DLG2: variants seen among roughly 807,000 people sequenced by gnomAD.
The protein encoded by DLG2 is disks large homolog 2.
DLG2 carries 45 observed loss-of-function variants against 132.5 expected under a neutral mutation model. The observed-to-expected ratio is 0.34, with a 90% CI of 0.27 to 0.44. The LOEUF is 0.44. Among genes scored for constraint, DLG2 ranks in the 20% least tolerant of loss-of-function variants. The pLI is 1.00. For missense variants in DLG2, 1,045 were observed against 1,196.9 expected (o/e 0.87, Z 1.87); for synonymous variants, 424 against 419.6 (o/e 1.01, Z -0.13).
At chr11:84,343,227 T>G (rs2098523727) in intron 7 of DLG2, among the ~76,000 whole-genome samples, 1 of 152,192 alleles carries the variant, frequency 6.6e-6, no homozygotes, top group Non-Finnish European at 1.5e-5. Flanking sequence ...AAAGTTAGAA[T>G]GAACAAATGC....
chr11:83,871,880 T>G (rs2063513933), intron 16 of DLG2, among the ~76,000 whole-genome samples: 1 of 152,148 alleles, frequency 6.6e-6, no homozygotes, highest in Non-Finnish European at 1.5e-5. Context: ...AAAAATAAAT[T>G]TTGTTTTTTT....
intron 11 of DLG2, among the ~76,000 whole-genome samples, chr11:84,025,945 A>C (rs911056548): frequency 2.6e-5 from 4 of 152,150 alleles, no homozygotes; most frequent in Admixed American, 2.6e-4. Context: ...TCAGACAGGA[A>C]AGAAAACAAA....
At chr11:83,505,900 T>C (rs1287432244) in intron 21 of DLG2, among the ~76,000 whole-genome samples, 3 of 152,194 alleles carry the variant, frequency 2.0e-5, no homozygotes, top group Admixed American at 1.3e-4. Context: ...CTCTGTCTAC[T>C]GATCATAGGG....
intron 3 of DLG2, among the ~76,000 whole-genome samples, chr11:85,326,456 G>C (rs1459366762): frequency 8.8e-6 from 1 of 113,278 alleles, no homozygotes; most frequent in African/African-American, 3.5e-5. Context: ...GAAGAGAGTG[G>C]GGGCCAATAT....
At chr11:83,963,490 C>G (rs943819713) in intron 13 of DLG2, among the ~76,000 whole-genome samples, 8 of 151,866 alleles carry the variant, frequency 5.3e-5, no homozygotes, top group Non-Finnish European at 1.0e-4. Context: ...AGAACTCTGG[C>G]CTTTCTTTTT....
Position 84,649,697 on chromosome 11 carries a change from G to C in DLG2, c.358-114966C>G, listed in dbSNP as rs956032105. 5.9e-5 allele frequency among the ~76,000 whole-genome samples: 9 copies of C among 152,198 alleles called. 1 individual carries two copies. The highest frequency in any genetic ancestry group is 5.9e-4 in the Admixed American group (9 of 15,284). ...TGCTGTCTACTGGAACTGGCCTGCA[G>C]CAAAATAGTGAGGTGGTCAGATCTT... On this transcript the variant is annotated intron_variant, in intron 6 of 27. Transcript: ENST00000376104.
chr11:84,993,700 A>T (rs1461894652), intron 6 of DLG2, among the ~76,000 whole-genome samples: 2 of 152,114 alleles, frequency 1.3e-5, no homozygotes, highest in Non-Finnish European at 1.5e-5. Flanking sequence ...TTTACCTCTA[A>T]TGGTGTTTAC....
At chr11:83,541,634 C>A (rs138052658) in intron 20 of DLG2, 48 bp downstream of exon 20, 1 of 1,478,880 alleles carries the variant, frequency 6.8e-7, no homozygotes, top group South Asian at 1.4e-5. Flanking sequence ...CATCTCCACT[C>A]GCTGGATAGC....
At chr11:84,748,533 T>G (rs1425838363) in intron 6 of DLG2, among the ~76,000 whole-genome samples, 2 of 152,204 alleles carry the variant, frequency 1.3e-5, no homozygotes, top group African/African-American at 4.8e-5. Flanking sequence ...AGCCCCTACT[T>G]TGTGCTATCA....
chr11:83,791,386 T>G, intron 17 of DLG2: 1 of 674,326 alleles, frequency 1.5e-6, no homozygotes, highest in Non-Finnish European at 2.7e-6. Context: ...TTTTTTTTCT[T>G]TTCCACCTTT....
chr11:85,369,769 C>G (rs2152915346), intron 3 of DLG2, among the ~76,000 whole-genome samples: 1 of 152,264 alleles, frequency 6.6e-6, no homozygotes, highest in South Asian at 2.1e-4. Context: ...TTAAAGGACA[C>G]CACAACCACT....
intron 6 of DLG2, among the ~76,000 whole-genome samples, chr11:84,552,580 C>G (rs1235715528): frequency 6.6e-6 from 1 of 152,208 alleles, no homozygotes; most frequent in African/African-American, 2.4e-5. Flanking sequence ...TACCTGTGCA[C>G]TCACAGGACA....
chr11:85,313,780 T>C (rs2152811936), intron 3 of DLG2, among the ~76,000 whole-genome samples: 1 of 152,132 alleles, frequency 6.6e-6, no homozygotes, highest in East Asian at 1.9e-4. Context: ...TCTCTTTTTT[T>C]TTATTCAGCA....
At chr11:85,403,752 T>C (rs2088437724) in intron 3 of DLG2, among the ~76,000 whole-genome samples, 2 of 151,918 alleles carry the variant, frequency 1.3e-5, no homozygotes, top group Non-Finnish European at 2.9e-5. Flanking sequence ...TGGGGGAAGA[T>C]GCCTCTGGTA....
chr11:83,486,264 G>A, intron 21 of DLG2: 3 of 682,380 alleles, frequency 4.4e-6, no homozygotes, highest in Non-Finnish European at 8.0e-6. Context: ...GAAAATAAAA[G>A]AAAAAAAATC....
At chr11:83,914,256 C>T (rs2076554789) in intron 15 of DLG2, among the ~76,000 whole-genome samples, 1 of 152,098 alleles carries the variant, frequency 6.6e-6, no homozygotes, top group Non-Finnish European at 1.5e-5. Flanking sequence ...AAAAAACAAT[C>T]TGGCATCTCC....
At chr11:83,772,532 G>C (rs1298001689) in intron 18 of DLG2, among the ~76,000 whole-genome samples, 1 of 148,256 alleles carries the variant, frequency 6.7e-6, no homozygotes, top group Non-Finnish European at 1.5e-5. Context: ...AAGGAAGGAG[G>C]GAAGGAAGGA....
chr11:84,258,500 A>T (rs2097509066), intron 7 of DLG2, among the ~76,000 whole-genome samples: 1 of 152,202 alleles, frequency 6.6e-6, no homozygotes. Flanking sequence ...CAGTAATGCT[A>T]TAAGTACTTT....
intron 3 of DLG2, among the ~76,000 whole-genome samples, chr11:85,479,223 C>T (rs557499472): frequency 5.9e-5 from 9 of 152,336 alleles, no homozygotes; most frequent in African/African-American, 2.2e-4. Context: ...ACATTTACTT[C>T]TCACAGTTCT....
Sources: allele counts gnomAD v4.1 joint callset (sites outside exome capture counted in the v4.1 genomes callset), GRCh38; gene constraint gnomAD v4.1.1; transcripts MANE v1.5; gene names NCBI Gene and HGNC (gene_info 2026-07-23, HGNC 2026-07-21).